The following TTC7A variants were observed in gnomAD, a reference collection of about 807,000 sequenced individuals.
TTC7A encodes the protein tetratricopeptide repeat domain 7A, also known as tetratricopeptide repeat protein 7A.
In TTC7A, 110 loss-of-function variants were observed where a neutral mutation model predicts 103.7. That is an observed-to-expected ratio of 1.06 (90% CI 0.91 to 1.24). The LOEUF is 1.24. Among genes scored for constraint, TTC7A ranks in the 50% most tolerant of loss-of-function variants. The pLI is 0.00. For synonymous variants in TTC7A, 521 were observed against 467.9 expected, an observed-to-expected ratio of 1.11 and a Z score of -1.47; for missense variants, 1,340 against 1,116.3, an observed-to-expected ratio of 1.20 and a Z score of -2.86.
intron 19 of TTC7A, among the ~76,000 whole-genome samples, chr2:47,070,336 G>A (rs1270764150): frequency 6.6e-6 from 1 of 152,248 alleles, no homozygotes; most frequent in Non-Finnish European, 1.5e-5. Flanking sequence ...CTGCACCTGC[G>A]TGGCCGTAAG....
chr2:47,039,240 G>T (rs1354295839), intron 15 of TTC7A, among the ~76,000 whole-genome samples: 1 of 152,336 alleles, frequency 6.6e-6, no homozygotes, highest in East Asian at 1.9e-4. Flanking sequence ...GTACATGGTG[G>T]TTACTGTGTT....
rs7564728 is a variant in TTC7A at position 46,994,789 on chromosome 2, T to C, written c.1001+275T>C. Among the ~76,000 whole-genome samples the C allele has an allele frequency of 0.17, 26,037 of 152,178 alleles. 2,427 individuals carry two copies. The highest frequency in any genetic ancestry group is 0.19 in the Admixed American group (2,911 of 15,288). ...AGTAGTCTTGTCTGATACACCTCTC[T>C]CTCGCTTGTGCCATTCATCGAAGGT... On this transcript the variant is annotated intron_variant, in intron 7 of 19. Coordinates refer to ENST00000319190, the MANE Select transcript of TTC7A (RefSeq NM_020458.4).
chr2:46,922,772 T>G (rs1384866764), intron 2 of TTC7A, among the ~76,000 whole-genome samples: 1 of 152,036 alleles, frequency 6.6e-6, no homozygotes, highest in Non-Finnish European at 1.5e-5. Flanking sequence ...AGGAAGCACA[T>G]CAATTCTGCA....
Position 47,073,980 on chromosome 2 carries a change from G to A in TTC7A, c.*57G>A, listed in dbSNP as rs1223885617. ...GCCAGAGGGAGAGGCAGCAGGGAACGTGGGTCAGGGTGGGGCAACAGTGGC... is the reference window on the plus strand; with the variant it reads ...GCCAGAGGGAGAGGCAGCAGGGAACATGGGTCAGGGTGGGGCAACAGTGGC... On this transcript the variant is annotated 3_prime_UTR_variant, in exon 20 of 20. Transcript: ENST00000319190. The A allele has an allele frequency of 2.8e-5, 40 of 1,413,860 alleles. No homozygotes were observed. Among genetic ancestry groups the A allele is most frequent in the Admixed American group, 5.6e-5 (3 of 53,190 alleles). The allele number at this position is 1,413,860 out of a possible 1,614,324, so 87.6% of individuals were successfully genotyped here.
intron 14 of TTC7A, among the ~76,000 whole-genome samples, chr2:47,028,377 T>C (rs12373629): frequency 0.1 from 15,386 of 152,260 alleles, 804 homozygotes; most frequent in Non-Finnish European, 0.12. Flanking sequence ...CCAGATCCAG[T>C]AGAACATTGG....
chr2:46,925,962 C>T (rs1259192137), intron 2 of TTC7A, among the ~76,000 whole-genome samples: 1 of 152,180 alleles, frequency 6.6e-6, no homozygotes, highest in African/African-American at 2.4e-5. Flanking sequence ...TTTTGGAGGT[C>T]TGGGTATAAT....
chr2:47,024,161 C>T, intron 13 of TTC7A, 126 bp from the exon 14 acceptor site: 3 of 796,644 alleles, frequency 3.8e-6, no homozygotes, highest in Non-Finnish European at 5.6e-6. Context: ...TGAGGCAGAG[C>T]CTGGCAGAAT....
At chr2:47,021,348 T>A (rs1404843367) in intron 11 of TTC7A, among the ~76,000 whole-genome samples, 2 of 152,242 alleles carry the variant, frequency 1.3e-5, no homozygotes. Context: ...TGTGCACATG[T>A]GACCCATACG....
intron 3 of TTC7A, among the ~76,000 whole-genome samples, chr2:46,966,540 A>G (rs1346568466): frequency 6.6e-6 from 1 of 151,742 alleles, no homozygotes; most frequent in Admixed American, 6.6e-5. Context: ...TTTCATTGTA[A>G]CGTTCTATCC....
At chr2:47,002,577 G>T (rs1275869606) in intron 8 of TTC7A, among the ~76,000 whole-genome samples, 1 of 152,116 alleles carries the variant, frequency 6.6e-6, no homozygotes, top group Non-Finnish European at 1.5e-5. Flanking sequence ...CAGTGAGCCA[G>T]GGAGGAGGGA....
At chr2:46,942,077 A>G (rs1163991256) in intron 1 of TTC7A, among the ~76,000 whole-genome samples, 1 of 152,186 alleles carries the variant, frequency 6.6e-6, no homozygotes, top group Non-Finnish European at 1.5e-5. Flanking sequence ...AAACTCCATC[A>G]GGTGAAGTGT....
intron 11 of TTC7A, among the ~76,000 whole-genome samples, chr2:47,020,706 T>G (rs1218197793): frequency 6.6e-6 from 1 of 152,266 alleles, no homozygotes; most frequent in Non-Finnish European, 1.5e-5. Context: ...CTCTGCTCTT[T>G]CAGTTTGCAC....
intron 2 of TTC7A, among the ~76,000 whole-genome samples, chr2:46,931,941 G>T (rs947871687): frequency 1.3e-5 from 2 of 152,148 alleles, no homozygotes; most frequent in Non-Finnish European, 2.9e-5. Flanking sequence ...GAAATGTGAG[G>T]ACGGTTTAAC....
intron 19 of TTC7A, among the ~76,000 whole-genome samples, chr2:47,061,722 C>T (rs181632301): frequency 7.2e-5 from 11 of 152,310 alleles, no homozygotes; most frequent in Admixed American, 5.2e-4. Context: ...CTGGTCCAGG[C>T]AACATTTATT....
intron 19 of TTC7A, among the ~76,000 whole-genome samples, chr2:47,066,737 G>A (rs1055807289): frequency 3.3e-5 from 5 of 152,112 alleles, no homozygotes; most frequent in African/African-American, 9.7e-5. Context: ...TTTATTTTTT[G>A]TAGAGACAAG....
chr2:46,992,590 G>A (rs1283641153), intron 5 of TTC7A, among the ~76,000 whole-genome samples: 1 of 152,230 alleles, frequency 6.6e-6, no homozygotes, highest in Non-Finnish European at 1.5e-5. Context: ...TACGCTGAGG[G>A]CTTATTCTGT....
At chr2:47,044,351 A>G (rs1284977842) in intron 15 of TTC7A, among the ~76,000 whole-genome samples, 1 of 152,172 alleles carries the variant, frequency 6.6e-6, no homozygotes, top group African/African-American at 2.4e-5. Context: ...TTTCTTCTTC[A>G]TATTCCCGAA....
intron 1 of TTC7A, among the ~76,000 whole-genome samples, chr2:46,944,283 C>T (rs1670727042): frequency 6.6e-6 from 1 of 151,824 alleles, no homozygotes; most frequent in African/African-American, 2.4e-5. Flanking sequence ...TACGAACTCA[C>T]GAAGTCTCGT....
chr2:47,073,844 T>C lies in TTC7A; in HGVS notation c.2498T>C (p.Val833Ala), dbSNP rs1240528223. 1.9e-6 allele frequency: 3 copies of C among 1,613,756 alleles called. No individual in the cohort carries two copies. Among genetic ancestry groups the C allele is most frequent in the Non-Finnish European group, 2.5e-6 (3 of 1,180,010 alleles). The change falls in exon 20 of 20, where the codon GTT (valine) becomes GCT (alanine). Residue 833 changes from valine to alanine, a missense_variant. Physicochemically the swap from Val to Ala is moderately conservative, Grantham distance 64. Transcript: ENST00000319190. The stretch of plus-strand genomic sequence containing the variant: ...GCCCAGGGCCAGAACGAGGCTGCCG[T>C]TGACTGCTTCCTCACCGCCCTTGAG... Reference protein sequence around the residue: ...LQAQGQNEAAVDCFLTALELE... With the variant: ...LQAQGQNEAAADCFLTALELE...
Sources: allele counts gnomAD v4.1 joint callset (sites outside exome capture counted in the v4.1 genomes callset), GRCh38; gene constraint gnomAD v4.1.1; transcripts MANE v1.5; gene names NCBI Gene and HGNC (gene_info 2026-07-23, HGNC 2026-07-21).